Variants in CNTNAP5 observed in about 807,000 individuals in gnomAD.
CNTNAP5 encodes the protein contactin-associated protein-like 5.
A neutral mutation model predicts 150.2 loss-of-function variants in CNTNAP5; 72 were observed. The observed-to-expected ratio is 0.48, with a 90% CI of 0.40 to 0.58. The LOEUF is 0.58. Ranked by LOEUF, CNTNAP5 falls within the 20% of genes least tolerant of loss-of-function variation. The pLI, the probability that CNTNAP5 is intolerant of heterozygous loss-of-function variation, is 0.00. For missense variants in CNTNAP5, 1,636 were observed against 1,626.2 expected (o/e 1.01, Z -0.10); for synonymous variants, 672 against 619.8 (o/e 1.08, Z -1.25).
intron 21 of CNTNAP5, among the ~76,000 whole-genome samples, chr2:124,899,059 T>C (rs978213133): frequency 6.6e-6 from 1 of 151,438 alleles, no homozygotes; most frequent in Non-Finnish European, 1.5e-5. Context: ...ACAAATGGTA[T>C]ATAAGGTGAT....
intron 13 of CNTNAP5, among the ~76,000 whole-genome samples, chr2:124,677,732 C>T (rs965267595): frequency 3.3e-5 from 5 of 150,584 alleles, no homozygotes; most frequent in South Asian, 2.1e-4. Flanking sequence ...TTTTACAGAG[C>T]GCTGATTGGT....
intron 1 of CNTNAP5, among the ~76,000 whole-genome samples, chr2:124,200,097 G>A (rs1171593509): frequency 6.6e-6 from 1 of 152,150 alleles, no homozygotes; most frequent in Admixed American, 6.5e-5. Context: ...GGGAATGTTT[G>A]CTCTAGATTG....
intron 3 of CNTNAP5, among the ~76,000 whole-genome samples, chr2:124,271,739 G>A (rs1227579321): frequency 1.3e-5 from 2 of 150,610 alleles, no homozygotes; most frequent in Admixed American, 6.6e-5. Context: ...TATTGAGACA[G>A]AGTCTTGCTC....
At chr2:124,688,720 G>C (rs1679242078) in intron 13 of CNTNAP5, among the ~76,000 whole-genome samples, 1 of 152,050 alleles carries the variant, frequency 6.6e-6, no homozygotes. Flanking sequence ...CTAATCAGAT[G>C]GACCTTTTAA....
chr2:124,831,445 A>G (rs1682714811), intron 19 of CNTNAP5, among the ~76,000 whole-genome samples: 1 of 151,778 alleles, frequency 6.6e-6, no homozygotes, highest in African/African-American at 2.4e-5. Context: ...ATGAATAACC[A>G]CTGAATTAGA....
intron 11 of CNTNAP5, among the ~76,000 whole-genome samples, chr2:124,584,755 G>A (rs1321189060): frequency 1.3e-5 from 2 of 152,186 alleles, no homozygotes; most frequent in African/African-American, 4.8e-5. Flanking sequence ...TTATTTCCAA[G>A]GATGCCTTCA....
At chr2:124,430,280 A>C (rs559942099) in intron 4 of CNTNAP5, among the ~76,000 whole-genome samples, 103 of 152,256 alleles carry the variant, frequency 6.8e-4, no homozygotes, top group African/African-American at 2.3e-3. Flanking sequence ...GCACTTGCTC[A>C]CTATATACCT....
chr2:124,567,736 G>A (rs925749859), intron 11 of CNTNAP5, among the ~76,000 whole-genome samples: 10 of 152,098 alleles, frequency 6.6e-5, no homozygotes, highest in Admixed American at 3.9e-4. Flanking sequence ...TAAGTACTCA[G>A]GGTATATTTT....
Position 124,709,024 on chromosome 2 carries a change from G to C in CNTNAP5, c.2078-38205G>C, listed in dbSNP as rs537235000. 2.0e-5 allele frequency among the ~76,000 whole-genome samples: 3 copies of C among 152,276 alleles called. No individual in the cohort carries two copies. The East Asian group carries it at 5.8e-4, about 29-fold the overall frequency. On this transcript the variant is annotated intron_variant, in intron 13 of 23. Coordinates refer to ENST00000682447, the MANE Select transcript of CNTNAP5 (RefSeq NM_001367498.1). ...TGTGCTTCATTCCACAGAATATGGA[G>C]CAGAGCCTCTCTGGGCAAAACTGTG...
intron 3 of CNTNAP5, among the ~76,000 whole-genome samples, chr2:124,319,742 TG>T (rs1689054032): frequency 6.6e-6 from 1 of 152,156 alleles, no homozygotes; most frequent in Non-Finnish European, 1.5e-5. Context: ...ACCCACTAGA[TG>T]CCAGTAGCAC....
intron 11 of CNTNAP5, among the ~76,000 whole-genome samples, chr2:124,578,954 C>G (rs546862124): frequency 3.3e-5 from 5 of 152,120 alleles, no homozygotes; most frequent in African/African-American, 1.2e-4. Flanking sequence ...ACAAGGGAGT[C>G]TGTTGTGCAC....
intron 19 of CNTNAP5, among the ~76,000 whole-genome samples, chr2:124,836,911 T>A (rs1682841427): frequency 6.6e-6 from 1 of 152,090 alleles, no homozygotes; most frequent in Non-Finnish European, 1.5e-5. Flanking sequence ...TAATAAATAA[T>A]GCCTTTGATT....
intron 1 of CNTNAP5, among the ~76,000 whole-genome samples, chr2:124,165,748 G>T (rs1684798462): frequency 2.6e-5 from 4 of 152,118 alleles, no homozygotes; most frequent in African/African-American, 9.7e-5. Context: ...TAGGGTAAAA[G>T]ACATTAGACA....
At chr2:124,240,855 T>C (rs1438839114) in intron 2 of CNTNAP5, among the ~76,000 whole-genome samples, 1 of 152,094 alleles carries the variant, frequency 6.6e-6, no homozygotes, top group Non-Finnish European at 1.5e-5. Context: ...TATGAGAGAC[T>C]CTGCAGGAGG....
At chr2:124,690,942 A>G (rs1035889853) in intron 13 of CNTNAP5, among the ~76,000 whole-genome samples, 2 of 152,104 alleles carry the variant, frequency 1.3e-5, no homozygotes, top group African/African-American at 4.8e-5. Flanking sequence ...CAGAAAATCA[A>G]TGACAAAAGG....
chr2:124,739,820 A>T (rs1180166890), intron 13 of CNTNAP5, among the ~76,000 whole-genome samples: 1 of 152,000 alleles, frequency 6.6e-6, no homozygotes, highest in African/African-American at 2.4e-5. Context: ...CCCTGGTGAG[A>T]AGTCATATTT....
At chr2:124,752,448 T>G (rs1182166249) in intron 14 of CNTNAP5, among the ~76,000 whole-genome samples, 1 of 151,726 alleles carries the variant, frequency 6.6e-6, no homozygotes, top group Non-Finnish European at 1.5e-5. Flanking sequence ...TAGGGCTGAG[T>G]GAAAGTGACA....
At chr2:124,792,813 C>T (rs917938156) in intron 18 of CNTNAP5, among the ~76,000 whole-genome samples, 9 of 152,126 alleles carry the variant, frequency 5.9e-5, no homozygotes, top group African/African-American at 1.7e-4. Context: ...TCTTTTACTT[C>T]GCATAATATT....
At chr2:124,547,537 C>G (rs1029361363) in intron 10 of CNTNAP5, among the ~76,000 whole-genome samples, 2 of 152,122 alleles carry the variant, frequency 1.3e-5, no homozygotes, top group African/African-American at 4.8e-5. Context: ...TAGAACCCAT[C>G]TATGATTTGA....
Sources: gnomAD v4.1 joint callset for allele counts (sites outside exome capture counted in the v4.1 genomes callset) on GRCh38, gnomAD v4.1.1 for gene constraint, MANE v1.5 for transcripts, NCBI Gene and HGNC (gene_info 2026-07-23, HGNC 2026-07-21) for gene names.